PKD1L1: variants seen among roughly 807,000 people sequenced by gnomAD.
PKD1L1 encodes the protein polycystin-1-like protein 1.
In PKD1L1, 236 loss-of-function variants were observed where a neutral mutation model predicts 323.4. The ratio of observed to expected loss-of-function variants is 0.73; its 90% CI spans 0.66 to 0.81. The LOEUF (loss-of-function observed/expected upper bound fraction) is 0.81. Among genes scored for constraint, PKD1L1 ranks in the 40% least tolerant of loss-of-function variants. The probability of loss-of-function intolerance (pLI) is 0.00; values close to 1 mark genes in which losing one functional copy is unlikely to be tolerated. For missense variants in PKD1L1, 3,320 were observed against 3,508.0 expected (o/e 0.95, Z 1.35); for synonymous variants, 1,344 against 1,335.0 (o/e 1.01, Z -0.15).
chr7:47,781,962 T>C, intron 56 of PKD1L1, among the ~76,000 whole-genome samples: 1 of 152,176 alleles, frequency 6.6e-6, no homozygotes, highest in South Asian at 2.1e-4. Context: ...TTTGTCAAGA[T>C]GAGTTTGGCA....
At chr7:47,861,754 G>A (rs535427132) in intron 26 of PKD1L1, among the ~76,000 whole-genome samples, 34 of 152,010 alleles carry the variant, frequency 2.2e-4, no homozygotes, top group Admixed American at 9.2e-4. Context: ...GGTGGTGTGC[G>A]CCTGTAGTCT....
At position 47,865,299 on chromosome 7, in the gene PKD1L1, A is replaced by C. The variant is rs765122150; in HGVS notation, c.4093-27T>G. On this transcript the variant is annotated intron_variant, in intron 25 of 56. Coordinates refer to ENST00000289672, the MANE Select transcript of PKD1L1 (RefSeq NM_138295.5). ...TGACCAGAAGAAACAACAATAAAAC[A>C]AAAAGAAAATGCAAGGAGAGGGAAA... is the stretch of plus-strand genomic sequence containing the variant. 9 of 1,599,416 alleles carry C rather than the reference A, an allele frequency of 5.6e-6. No individual in the cohort carries two copies. The South Asian group carries it at 1.0e-4, about 18-fold the overall frequency.
intron 44 of PKD1L1, among the ~76,000 whole-genome samples, chr7:47,828,400 A>C (rs1048975669): frequency 2.0e-5 from 3 of 151,820 alleles, no homozygotes; most frequent in Non-Finnish European, 4.4e-5. Context: ...GCAGAAAGGA[A>C]AGCTGAGATC....
rs866694570 is a variant in PKD1L1 at position 47,866,533 on chromosome 7, G to C, written c.3978C>G (p.Ile1326Met). ...YTEIRNYITV[I>M]TRILSRLSKE... ...TAGACAAACGACTCAGGATTCTGGT[G>C]ATCACAGTGATGTAGTTCCTGATTT... The change falls in exon 25 of 57, where the codon ATC (isoleucine) becomes ATG (methionine). Residue 1326 changes from isoleucine (I) to methionine (M), a missense_variant. Ile to Met is a conservative substitution (Grantham distance 10). Coordinates refer to ENST00000289672, the MANE Select transcript of PKD1L1 (RefSeq NM_138295.5). 6.2e-7 allele frequency: 1 copy of C among 1,613,798 alleles called. No homozygotes were observed. Among genetic ancestry groups the C allele is most frequent in the Admixed American group, 1.7e-5 (1 of 59,996 alleles).
chr7:47,929,956 G>T (rs1787733375), intron 6 of PKD1L1, among the ~76,000 whole-genome samples: 1 of 152,216 alleles, frequency 6.6e-6, no homozygotes, highest in Non-Finnish European at 1.5e-5. Flanking sequence ...GTGAGGGTGG[G>T]TGCCACCCTT....
At chr7:47,791,222 C>T (rs567211041) in intron 56 of PKD1L1, among the ~76,000 whole-genome samples, 3 of 152,224 alleles carry the variant, frequency 2.0e-5, no homozygotes, top group African/African-American at 4.8e-5. Flanking sequence ...CCGTGTCTTA[C>T]GCACATTCTT....
intron 12 of PKD1L1, among the ~76,000 whole-genome samples, chr7:47,903,887 A>C (rs1408288059): frequency 6.6e-6 from 1 of 152,162 alleles, no homozygotes; most frequent in Non-Finnish European, 1.5e-5. Flanking sequence ...CACAGTGGAC[A>C]CTCAGTAAAT....
intron 56 of PKD1L1, among the ~76,000 whole-genome samples, chr7:47,782,797 A>G (rs1001771053): frequency 1.3e-5 from 2 of 152,174 alleles, no homozygotes; most frequent in Admixed American, 6.6e-5. Context: ...CCTACTTAAA[A>G]TCAATTAATT....
chr7:47,892,058 C>A (rs904527728), intron 15 of PKD1L1, among the ~76,000 whole-genome samples: 1 of 152,240 alleles, frequency 6.6e-6, no homozygotes, highest in African/African-American at 2.4e-5. Flanking sequence ...CTAGCTACTA[C>A]ATTCCAGGCA....
intron 9 of PKD1L1, among the ~76,000 whole-genome samples, chr7:47,907,615 C>T (rs114596240): frequency 3.9e-3 from 596 of 152,236 alleles, no homozygotes; most frequent in African/African-American, 0.014. Context: ...CAGTGAGCAC[C>T]GGATGCTTTC....
chr7:47,864,497 T>C (rs925080340), intron 26 of PKD1L1, among the ~76,000 whole-genome samples: 6 of 152,238 alleles, frequency 3.9e-5, no homozygotes, highest in Admixed American at 3.9e-4. Context: ...ATTCATAGCA[T>C]GGATAGTACG....
At chr7:47,875,189 C>A (rs761981210) in intron 23 of PKD1L1, among the ~76,000 whole-genome samples, 3 of 152,192 alleles carry the variant, frequency 2.0e-5, no homozygotes, top group African/African-American at 7.2e-5. Context: ...TTATGAAGAT[C>A]TCAAAATGCC....
chr7:47,841,627 G>A (rs966484810), intron 34 of PKD1L1, among the ~76,000 whole-genome samples: 1 of 152,136 alleles, frequency 6.6e-6, no homozygotes, highest in Non-Finnish European at 1.5e-5. Flanking sequence ...TATTATTAAT[G>A]TTATAGATTA....
chr7:47,914,542 G>A (rs948053682), intron 8 of PKD1L1, among the ~76,000 whole-genome samples: 2 of 152,208 alleles, frequency 1.3e-5, no homozygotes, highest in African/African-American at 4.8e-5. Context: ...GGCCACCTGG[G>A]TTGTTCAAGG....
intron 8 of PKD1L1, among the ~76,000 whole-genome samples, chr7:47,909,235 T>A (rs2177165): frequency 0.71 from 108,351 of 152,050 alleles, 39,645 homozygotes; most frequent in African/African-American, 0.89. Context: ...CCCAGCTTGA[T>A]AATGTTAAGT....
chr7:47,932,699 G>A, intron 4 of PKD1L1, among the ~76,000 whole-genome samples: 1 of 152,226 alleles, frequency 6.6e-6, no homozygotes, highest in Non-Finnish European at 1.5e-5. Flanking sequence ...GGCGGCTCCA[G>A]GCCCCACCTC....
intron 34 of PKD1L1, among the ~76,000 whole-genome samples, chr7:47,842,171 T>C (rs1367342159): frequency 6.6e-6 from 1 of 152,222 alleles, no homozygotes; most frequent in Non-Finnish European, 1.5e-5. Context: ...TGCTTGTGAA[T>C]ATATACATGT....
chr7:47,904,334 C>G, intron 12 of PKD1L1, 44 bp downstream of exon 12: 7 of 1,611,340 alleles, frequency 4.3e-6, no homozygotes, highest in African/African-American at 1.3e-5. Context: ...CTCTGATTCC[C>G]GCGCTGTCTG....
chr7:47,886,171 A>G, intron 17 of PKD1L1, 117 bp from the exon 18 acceptor site: 1 of 1,347,334 alleles, frequency 7.4e-7, no homozygotes, highest in Non-Finnish European at 9.9e-7. Flanking sequence ...TGTGAATTTG[A>G]AAACCTACAC....
Sources: allele counts gnomAD v4.1 joint callset (sites outside exome capture counted in the v4.1 genomes callset), GRCh38; gene constraint gnomAD v4.1.1; transcripts MANE v1.5; gene names NCBI Gene and HGNC (gene_info 2026-07-23, HGNC 2026-07-21).